CDH13: variants seen among roughly 807,000 people sequenced by gnomAD.
CDH13 encodes cadherin-13.
Under a neutral mutation model 63.8 loss-of-function variants are expected in CDH13, and 24 were observed. That is an observed-to-expected ratio of 0.38 (90% CI 0.27 to 0.53). CDH13 has a LOEUF of 0.53. Among genes scored for constraint, CDH13 ranks in the 20% least tolerant of loss-of-function variants. The pLI, the probability that CDH13 is intolerant of heterozygous loss-of-function variation, is 0.85. For synonymous variants in CDH13, 503 were observed against 355.3 expected, an observed-to-expected ratio of 1.42 and a Z score of -4.67; for missense variants, 1,049 against 903.1, an observed-to-expected ratio of 1.16 and a Z score of -2.07.
chr16:83,522,845 A>G (rs1044801731), intron 7 of CDH13, among the ~76,000 whole-genome samples: 1 of 152,082 alleles, frequency 6.6e-6, no homozygotes, highest in Admixed American at 6.5e-5. Context: ...CCTCCACCCC[A>G]AGGACTTAAA....
chr16:82,916,554 A>T (rs971433591), intron 2 of CDH13, among the ~76,000 whole-genome samples: 2 of 149,398 alleles, frequency 1.3e-5, no homozygotes, highest in African/African-American at 4.9e-5. Flanking sequence ...AGCCTGGGTG[A>T]CAGGGTGAGA....
intron 3 of CDH13, among the ~76,000 whole-genome samples, chr16:83,065,365 T>C (rs2031919846): frequency 1.3e-5 from 2 of 152,148 alleles, no homozygotes; most frequent in African/African-American, 4.8e-5. Flanking sequence ...TAAGATGGGA[T>C]GGAGAAGTTT....
At chr16:83,622,363 G>T (rs899593578) in intron 8 of CDH13, among the ~76,000 whole-genome samples, 1 of 152,118 alleles carries the variant, frequency 6.6e-6, no homozygotes, top group African/African-American at 2.4e-5. Flanking sequence ...CCGGCCCCAT[G>T]GGATTCCGAA....
intron 4 of CDH13, among the ~76,000 whole-genome samples, chr16:83,166,744 C>T (rs2037689648): frequency 6.6e-6 from 1 of 152,132 alleles, no homozygotes; most frequent in Non-Finnish European, 1.5e-5. Context: ...TGATAAAATA[C>T]TATTTTCTAA....
chr16:83,189,617 A>G (rs912787305), intron 4 of CDH13, among the ~76,000 whole-genome samples: 10 of 152,156 alleles, frequency 6.6e-5, no homozygotes, highest in African/African-American at 2.2e-4. Flanking sequence ...GGCCTCACAC[A>G]GTTGCACTTT....
chr16:82,640,743 G>T (rs1909296709), intron 1 of CDH13, among the ~76,000 whole-genome samples: 1 of 151,788 alleles, frequency 6.6e-6, no homozygotes. Flanking sequence ...ACTTCTTTAG[G>T]GTCACATATC....
intron 1 of CDH13, among the ~76,000 whole-genome samples, chr16:82,669,622 G>A (rs1912999304): frequency 6.6e-6 from 1 of 152,218 alleles, no homozygotes; most frequent in Non-Finnish European, 1.5e-5. Flanking sequence ...ACTAATTGTA[G>A]TATGGCCCAA....
At chr16:83,531,062 C>T (rs117230981) in intron 7 of CDH13, among the ~76,000 whole-genome samples, 20 of 152,240 alleles carry the variant, frequency 1.3e-4, no homozygotes, top group African/African-American at 2.6e-4. Context: ...AACTTTCTTC[C>T]GGTAAAGTTC....
chr16:83,178,999 T>A (rs2038239993), intron 4 of CDH13, among the ~76,000 whole-genome samples: 2 of 152,170 alleles, frequency 1.3e-5, no homozygotes, highest in African/African-American at 2.4e-5. Context: ...AAAGGAGGTA[T>A]ATTTTTACAC....
At chr16:83,635,904 CCT>C (rs1173844140) in intron 8 of CDH13, among the ~76,000 whole-genome samples, 2 of 152,154 alleles carry the variant, frequency 1.3e-5, no homozygotes, top group East Asian at 3.9e-4. Context: ...AAGATTTTAT[CCT>C]CTGTTTTCTT....
intron 3 of CDH13, among the ~76,000 whole-genome samples, chr16:83,058,719 G>A (rs1202100932): frequency 6.6e-6 from 1 of 152,124 alleles, no homozygotes; most frequent in Non-Finnish European, 1.5e-5. Flanking sequence ...GTCTTATGTA[G>A]TGCATTACAA....
intron 5 of CDH13, among the ~76,000 whole-genome samples, chr16:83,322,211 G>A (rs894732772): frequency 6.6e-6 from 1 of 152,206 alleles, no homozygotes; most frequent in Non-Finnish European, 1.5e-5. Flanking sequence ...TGAGATTAGA[G>A]CCTTTGGTGT....
intron 3 of CDH13, among the ~76,000 whole-genome samples, chr16:83,123,804 C>T (rs961380242): frequency 6.6e-6 from 1 of 152,140 alleles, no homozygotes. Context: ...AGAGTTTGCA[C>T]TAATTTACAC....
intron 7 of CDH13, among the ~76,000 whole-genome samples, chr16:83,555,312 T>G (rs944443714): frequency 6.6e-6 from 1 of 152,188 alleles, no homozygotes; most frequent in African/African-American, 2.4e-5. Context: ...ACCAGCAGCA[T>G]TGAAAACACC....
intron 4 of CDH13, among the ~76,000 whole-genome samples, chr16:83,202,602 T>A (rs1040111218): frequency 1.3e-5 from 2 of 152,194 alleles, no homozygotes; most frequent in African/African-American, 2.4e-5. Context: ...ACTATTTACA[T>A]TTCCAGGCAT....
chr16:82,641,223 C>T (rs980225767), intron 1 of CDH13, among the ~76,000 whole-genome samples: 2 of 152,340 alleles, frequency 1.3e-5, no homozygotes, highest in Non-Finnish European at 2.9e-5. Context: ...TCAGGGGTGA[C>T]CCCTGCCGTC....
At chr16:82,935,596 A>T (rs2042642302) in intron 2 of CDH13, among the ~76,000 whole-genome samples, 1 of 152,216 alleles carries the variant, frequency 6.6e-6, no homozygotes, top group African/African-American at 2.4e-5. Context: ...ATTCTTAAGC[A>T]GTGATTCTCG....
chr16:83,096,261 A>C (rs2034187112), intron 3 of CDH13, among the ~76,000 whole-genome samples: 1 of 152,212 alleles, frequency 6.6e-6, no homozygotes, highest in Non-Finnish European at 1.5e-5. Context: ...GACCATCATG[A>C]GCTATATAGT....
chr16:83,112,297 A>C (rs1270441388), intron 3 of CDH13, among the ~76,000 whole-genome samples: 1 of 152,242 alleles, frequency 6.6e-6, no homozygotes. Context: ...AGGGAACTGC[A>C]CTGTGTGAAG....
Sources: allele counts gnomAD v4.1 joint callset (sites outside exome capture counted in the v4.1 genomes callset), GRCh38; gene constraint gnomAD v4.1.1; transcripts MANE v1.5; gene names NCBI Gene and HGNC (gene_info 2026-07-23, HGNC 2026-07-21).